AP2B1: variants seen among roughly 807,000 people sequenced by gnomAD.
AP2B1 encodes adaptor related protein complex 2 subunit beta 1, also known as AP-2 complex subunit beta.
Under a neutral mutation model 102.0 loss-of-function variants are expected in AP2B1, and 23 were observed. The ratio of observed to expected loss-of-function variants is 0.23; its 90% confidence interval spans 0.16 to 0.32. The LOEUF (loss-of-function observed/expected upper bound fraction) is 0.32, where lower values mean the gene tolerates loss of function less well. Among genes scored for constraint, AP2B1 ranks in the 10% least tolerant of loss-of-function variants. AP2B1 has a pLI of 1.00. For missense variants in AP2B1, 541 were observed against 1,157.4 expected (o/e 0.47, Z 7.73); for synonymous variants, 381 against 421.2 (o/e 0.90, Z 1.17).
At chr17:35,683,169 C>T (rs1480293701) in intron 18 of AP2B1, among the ~76,000 whole-genome samples, 2 of 152,130 alleles carry the variant, frequency 1.3e-5, no homozygotes, top group South Asian at 2.1e-4. Context: ...TGAGCCACCG[C>T]GCCTCGCCCA....
In AP2B1 at chr17:35,682,686, C is replaced by A; in HGVS notation, c.2325-9C>A. On this transcript the variant is annotated splice_polypyrimidine_tract_variant and intron_variant, in intron 17 of 21. Transcript: ENST00000610402. ...TTAACCTCTGTGATTTATGTATCCTCTCTTCTAGCTTTGGTGTCATCCCCA... is the reference window on the plus strand; with the variant it reads ...TTAACCTCTGTGATTTATGTATCCTATCTTCTAGCTTTGGTGTCATCCCCA... 2 of 1,605,900 alleles carry A rather than the reference C, an allele frequency of 1.2e-6. No individual in the cohort carries two copies. Among genetic ancestry groups the A allele is most frequent in the Non-Finnish European group, 1.7e-6 (2 of 1,174,722 alleles).
intron 9 of AP2B1, among the ~76,000 whole-genome samples, chr17:35,628,966 T>A (rs1329365274): frequency 6.6e-6 from 1 of 152,124 alleles, no homozygotes; most frequent in East Asian, 1.9e-4. Context: ...TTTGTTTTGA[T>A]TTTTGAGACA....
chr17:35,607,399 T>C (rs940718720), intron 4 of AP2B1, among the ~76,000 whole-genome samples: 10 of 152,252 alleles, frequency 6.6e-5, no homozygotes, highest in African/African-American at 2.4e-5. Flanking sequence ...AACAGTTTGT[T>C]CTCCATGACT....
At chr17:35,624,270 C>A in intron 5 of AP2B1, 127 bp from the exon 6 acceptor site, 1 of 823,386 alleles carries the variant, frequency 1.2e-6, no homozygotes, top group Non-Finnish European at 2.0e-6. Context: ...TTCTATCTGA[C>A]TAGGTAAAAT....
chr17:35,628,772 GT>G (rs1205428144), intron 9 of AP2B1, among the ~76,000 whole-genome samples: 1 of 152,100 alleles, frequency 6.6e-6, no homozygotes, highest in African/African-American at 2.4e-5. Flanking sequence ...CATAATGAAG[GT>G]TTTTGTTCCT....
chr17:35,597,016 G>A (rs1244230626), intron 2 of AP2B1: 3 of 626,104 alleles, frequency 4.8e-6, no homozygotes, highest in East Asian at 7.2e-5. Context: ...GTCCAGCTCG[G>A]ACACAGGTGG....
At chr17:35,604,526 G>A (rs2073600529) in intron 3 of AP2B1, among the ~76,000 whole-genome samples, 1 of 151,712 alleles carries the variant, frequency 6.6e-6, no homozygotes, top group African/African-American at 2.4e-5. Flanking sequence ...GGGAGGCCAA[G>A]GCAGGTGGAT....
intron 9 of AP2B1, among the ~76,000 whole-genome samples, chr17:35,628,223 A>C (rs1225766273): frequency 1.3e-5 from 2 of 152,246 alleles, no homozygotes; most frequent in Non-Finnish European, 2.9e-5. Flanking sequence ...AAGGCACTTA[A>C]GCATCCATGG....
At chr17:35,670,030 G>A (rs115308659) in intron 14 of AP2B1, among the ~76,000 whole-genome samples, 160 of 152,294 alleles carry the variant, frequency 1.1e-3, no homozygotes, top group African/African-American at 3.5e-3. Flanking sequence ...AAGGAAGACC[G>A]ACTTCAGAGT....
At chr17:35,699,668 C>T (rs961028831) in intron 18 of AP2B1, among the ~76,000 whole-genome samples, 1 of 152,222 alleles carries the variant, frequency 6.6e-6, no homozygotes, top group Admixed American at 6.5e-5. Flanking sequence ...GTTTTTAACT[C>T]TATCAGATAC....
At chr17:35,590,078 A>T (rs1244887935) in intron 1 of AP2B1, among the ~76,000 whole-genome samples, 1 of 151,914 alleles carries the variant, frequency 6.6e-6, no homozygotes, top group Admixed American at 6.6e-5. Flanking sequence ...GGCGCCCGCC[A>T]CACGCCTGGC....
At position 35,636,412 on chromosome 17, in the gene AP2B1, A is replaced by G; in HGVS notation, c.1227A>G (p.Glu409=). ...IQTKVNYVVQ[E]AIVVIRDIFR... Reference sequence around the variant, plus strand: ...CCAAAGTGAATTATGTGGTCCAAGAAGCAATTGTTGTCATCAGGGACATCT... The same window carrying G: ...CCAAAGTGAATTATGTGGTCCAAGAGGCAATTGTTGTCATCAGGGACATCT... Residue 409 remains glutamate, a synonymous_variant, in exon 10 of 22, where the codon GAA becomes GAG. Coordinates refer to ENST00000610402, the MANE Select transcript of AP2B1 (RefSeq NM_001030006.2). 6.2e-7 allele frequency: 1 copy of G among 1,614,110 alleles called. No homozygotes were observed. The highest frequency in any genetic ancestry group is 8.5e-7 in the Non-Finnish European group (1 of 1,179,974).
chr17:35,608,362 A>T lies in AP2B1; in HGVS notation c.500A>T (p.Asp167Val). The change falls in exon 5 of 22, where the codon GAT becomes GTT. Residue 167 changes from aspartate (D) to valine (V), a missense_variant. Asp to Val is a radical substitution (Grantham distance 152). Transcript: ENST00000610402. ...CAGGGATTTCTGGATTCTCTACGGGATCTCATAGCAGATTCAAATCCAATG... is the reference window on the plus strand; with the variant it reads ...CAGGGATTTCTGGATTCTCTACGGGTTCTCATAGCAGATTCAAATCCAATG... The part of the protein sequence containing the change: ...EDQGFLDSLR[D>V]LIADSNPMVV... The T allele has an allele frequency of 3.7e-6, 6 of 1,614,192 alleles. No homozygotes were observed. Among genetic ancestry groups the T allele is most frequent in the Non-Finnish European group, 4.2e-6 (5 of 1,180,040 alleles).
Position 35,724,971 on chromosome 17 carries a change from T to C in AP2B1, c.*1272T>C, listed in dbSNP as rs954757513. 6.6e-6 allele frequency: 1 copy of C among 152,212 alleles called. No individual in the cohort carries two copies. The highest frequency in any genetic ancestry group is 2.4e-5 in the African/African-American group (1 of 41,438). 9.4% of individuals were successfully genotyped at this position (152,212 alleles called of 1,614,324 possible). A position where few individuals can be genotyped will look rare whatever the true frequency, so the allele number is the denominator to read the frequency against. On this transcript the variant is annotated 3_prime_UTR_variant, in exon 22 of 22. Transcript: ENST00000610402. ...CCATATGCCCCTGGAGCCCCACTTA[T>C]TGAGGCCAGCAGAATAGGTGCAGAG... is the stretch of plus-strand genomic sequence containing the variant.
At chr17:35,625,625 G>A (rs1321616135) in intron 6 of AP2B1, among the ~76,000 whole-genome samples, 2 of 151,438 alleles carry the variant, frequency 1.3e-5, no homozygotes, top group African/African-American at 4.9e-5. Context: ...GAAGGATGGG[G>A]GTAGGAATAT....
At chr17:35,650,390 C>G (rs1413941446) in intron 12 of AP2B1, 140 bp from the exon 13 acceptor site, 4 of 1,005,350 alleles carry the variant, frequency 4.0e-6, no homozygotes, top group Non-Finnish European at 5.9e-6. Flanking sequence ...CTATGAGCTA[C>G]CACATCCAGC....
At chr17:35,693,768 A>G (rs1186709518) in intron 18 of AP2B1, among the ~76,000 whole-genome samples, 1 of 151,496 alleles carries the variant, frequency 6.6e-6, no homozygotes, top group African/African-American at 2.4e-5. Context: ...GAACTTCTCG[A>G]TTCCATAGCT....
At chr17:35,712,458 C>A (rs880001686) in intron 20 of AP2B1, among the ~76,000 whole-genome samples, 16 of 152,184 alleles carry the variant, frequency 1.1e-4, no homozygotes, top group South Asian at 6.2e-4. Context: ...GAAACCCTGT[C>A]TCTACTAAAA....
chr17:35,627,152 T>C (rs1313224038), intron 7 of AP2B1, among the ~76,000 whole-genome samples: 1 of 151,930 alleles, frequency 6.6e-6, no homozygotes, highest in Non-Finnish European at 1.5e-5. Flanking sequence ...CTAGCAGTTC[T>C]TCATGGCAAC....
Sources: allele counts gnomAD v4.1 joint callset (sites outside exome capture counted in the v4.1 genomes callset), GRCh38; gene constraint gnomAD v4.1.1; transcripts MANE v1.5; gene names NCBI Gene and HGNC (gene_info 2026-07-23, HGNC 2026-07-21).